The following MEGF11 variants were observed in gnomAD, a reference collection of about 807,000 sequenced individuals.
MEGF11 encodes the protein multiple epidermal growth factor-like domains protein 11.
In MEGF11, 126 loss-of-function variants were observed where a neutral mutation model predicts 146.6. The observed-to-expected ratio is 0.86, with a 90% CI of 0.74 to 1.00. MEGF11 has a LOEUF of 1.00. Ranked by LOEUF, MEGF11 falls within the 50% of genes least tolerant of loss-of-function variation. The pLI is 0.00. For missense variants in MEGF11, 1,509 were observed against 1,521.2 expected (o/e 0.99, Z 0.13); for synonymous variants, 532 against 583.4 (o/e 0.91, Z 1.27).
chr15:65,955,739 TAAAAAAAA>T (rs1189666912), intron 10 of MEGF11, among the ~76,000 whole-genome samples: 27 of 9,736 alleles, frequency 2.8e-3, no homozygotes, highest in East Asian at 6.3e-3. Context: ...GTGAGACTCT[TAAAAAAAA>T]AAAAAAAAAA....
At chr15:66,226,309 A>T (rs1246888219) in intron 1 of MEGF11, among the ~76,000 whole-genome samples, 1 of 150,266 alleles carries the variant, frequency 6.7e-6, no homozygotes, top group East Asian at 2.0e-4. Context: ...GTGCAGTGAC[A>T]TGATCTCAGC....
intron 10 of MEGF11, among the ~76,000 whole-genome samples, chr15:65,943,421 C>T (rs1261351644): frequency 3.9e-5 from 6 of 152,150 alleles, no homozygotes; most frequent in Non-Finnish European, 7.4e-5. Flanking sequence ...AGGCTGGCAA[C>T]TTCTCCACGT....
chr15:66,234,832 C>T (rs2140215206), intron 1 of MEGF11, among the ~76,000 whole-genome samples: 1 of 152,246 alleles, frequency 6.6e-6, no homozygotes, highest in Middle Eastern at 3.4e-3. Flanking sequence ...TCATAAAACG[C>T]TGAGAAATTA....
At chr15:66,105,453 T>C (rs1389621019) in intron 4 of MEGF11, among the ~76,000 whole-genome samples, 1 of 152,154 alleles carries the variant, frequency 6.6e-6, no homozygotes, top group Non-Finnish European at 1.5e-5. Flanking sequence ...GAACAAAGCA[T>C]TGGTCTCCCT....
intron 7 of MEGF11, among the ~76,000 whole-genome samples, chr15:65,972,347 C>G (rs1424794873): frequency 6.6e-6 from 1 of 152,150 alleles, no homozygotes; most frequent in Non-Finnish European, 1.5e-5. Flanking sequence ...ACAAGACCCA[C>G]ATCAAGGCAT....
intron 5 of MEGF11, among the ~76,000 whole-genome samples, chr15:65,986,233 C>T (rs558289900): frequency 1.3e-5 from 2 of 152,058 alleles, no homozygotes; most frequent in South Asian, 2.1e-4. Flanking sequence ...GATTGTGGCT[C>T]AGGACAATGT....
chr15:66,047,368 AC>A (rs1266177982), intron 5 of MEGF11, among the ~76,000 whole-genome samples: 1 of 152,088 alleles, frequency 6.6e-6, no homozygotes, highest in Admixed American at 6.5e-5. Flanking sequence ...GATTTCTTCT[AC>A]CACTTCCTAG....
chr15:65,913,467 G>A (rs961479094), intron 20 of MEGF11: 15 of 562,464 alleles, frequency 2.7e-5, no homozygotes, highest in Non-Finnish European at 3.8e-5. Context: ...TCCTGAGGCC[G>A]AAGGCTGGTG....
At position 65,946,176 on chromosome 15, in the gene MEGF11, A is replaced by G. The variant is rs77283870; in HGVS notation, c.1287+11371T>C. 4.6e-5 allele frequency among the ~76,000 whole-genome samples: 7 copies of G among 152,324 alleles called. No homozygotes were observed. The East Asian group carries it at 1.3e-3, about 29-fold the overall frequency. Reference sequence around the variant, plus strand: ...CCCACTGCAGGTGCAAGAAGAGGCTATGATTTACCTACTCTGTGCCAAACA... The same window carrying G: ...CCCACTGCAGGTGCAAGAAGAGGCTGTGATTTACCTACTCTGTGCCAAACA... On this transcript the variant is annotated intron_variant, in intron 10 of 25. Coordinates refer to ENST00000395614, the MANE Select transcript of MEGF11 (RefSeq NM_001385028.1).
intron 13 of MEGF11, among the ~76,000 whole-genome samples, chr15:65,927,055 T>C (rs1273845702): frequency 1.3e-5 from 2 of 152,216 alleles, no homozygotes; most frequent in African/African-American, 4.8e-5. Flanking sequence ...TGAGAACCTA[T>C]ACTGCCAGAA....
At chr15:65,985,653 A>G (rs1003741316) in intron 5 of MEGF11, among the ~76,000 whole-genome samples, 4 of 152,074 alleles carry the variant, frequency 2.6e-5, no homozygotes, top group Non-Finnish European at 5.9e-5. Context: ...ATATTGTCAT[A>G]AAGTCCACAT....
At chr15:66,177,304 T>C (rs2090411368) in intron 1 of MEGF11, among the ~76,000 whole-genome samples, 1 of 152,172 alleles carries the variant, frequency 6.6e-6, no homozygotes, top group African/African-American at 2.4e-5. Context: ...ATCGAGAAAT[T>C]ACAAGAGGCT....
At chr15:65,991,512 G>A (rs960677503) in intron 5 of MEGF11, among the ~76,000 whole-genome samples, 3 of 152,110 alleles carry the variant, frequency 2.0e-5, no homozygotes, top group Non-Finnish European at 4.4e-5. Flanking sequence ...TGCATTGCAG[G>A]GCATTTAGTG....
chr15:66,192,677 A>G (rs1375688023), intron 1 of MEGF11, among the ~76,000 whole-genome samples: 1 of 152,144 alleles, frequency 6.6e-6, no homozygotes, highest in Non-Finnish European at 1.5e-5. Context: ...CTTAACCACC[A>G]CTATATACAA....
At chr15:65,990,469 T>C (rs187307853) in intron 5 of MEGF11, among the ~76,000 whole-genome samples, 81 of 151,772 alleles carry the variant, frequency 5.3e-4, no homozygotes, top group Non-Finnish European at 7.5e-4. Flanking sequence ...GAGAATTGCT[T>C]GGGCCTGAGA....
chr15:66,177,960 C>T (rs180679470), intron 1 of MEGF11, among the ~76,000 whole-genome samples: 9 of 152,176 alleles, frequency 5.9e-5, no homozygotes, highest in Admixed American at 3.3e-4. Context: ...GCTGGGATTA[C>T]AGGTGTGAGC....
intron 10 of MEGF11, among the ~76,000 whole-genome samples, chr15:65,955,762 A>T (rs868012667): frequency 0.026 from 180 of 6,816 alleles, 1 homozygote; most frequent in Non-Finnish European, 0.039. Context: ...AAAAAAAAAA[A>T]TATATATATA....
At chr15:66,000,342 A>C (rs1170324555) in intron 5 of MEGF11, among the ~76,000 whole-genome samples, 1 of 152,206 alleles carries the variant, frequency 6.6e-6, no homozygotes, top group Non-Finnish European at 1.5e-5. Flanking sequence ...CGGCTTGGGC[A>C]ACATAGTGAG....
At chr15:65,993,714 GCT>G (rs1172186368) in intron 5 of MEGF11, among the ~76,000 whole-genome samples, 1 of 152,196 alleles carries the variant, frequency 6.6e-6, no homozygotes, top group African/African-American at 2.4e-5. Flanking sequence ...AGCCATGTAG[GCT>G]CTGAGGGAAA....
Sources: allele counts gnomAD v4.1 joint callset (sites outside exome capture counted in the v4.1 genomes callset), GRCh38; gene constraint gnomAD v4.1.1; transcripts MANE v1.5; gene names NCBI Gene and HGNC (gene_info 2026-07-23, HGNC 2026-07-21).